The following FAF1 variants were observed in gnomAD, a reference collection of about 807,000 sequenced individuals.
The protein encoded by FAF1 is Fas associated factor 1.
In FAF1, 25 loss-of-function variants were observed where a neutral mutation model predicts 92.5. That is an observed-to-expected ratio of 0.27 (90% CI 0.20 to 0.38). FAF1 has a LOEUF of 0.38. Among genes scored for constraint, FAF1 ranks in the 10% least tolerant of loss-of-function variants. The pLI, the probability that FAF1 is intolerant of heterozygous loss-of-function variation, is 1.00. For synonymous variants in FAF1, 234 were observed against 273.2 expected (o/e 0.86, Z 1.42); for missense variants, 636 against 793.3 (o/e 0.80, Z 2.38).
At chr1:50,523,735 TG>T (rs949431347) in intron 15 of FAF1, among the ~76,000 whole-genome samples, 4 of 152,230 alleles carry the variant, frequency 2.6e-5, no homozygotes, top group Non-Finnish European at 4.4e-5. Flanking sequence ...TTCTTTTTTA[TG>T]GATGTATAGT....
At chr1:50,861,801 T>A (rs1285766222) in intron 1 of FAF1, among the ~76,000 whole-genome samples, 2 of 149,940 alleles carry the variant, frequency 1.3e-5, no homozygotes, top group African/African-American at 4.9e-5. Flanking sequence ...ACTAAATAAT[T>A]AAAAAAAAAA....
At chr1:50,784,328 T>C (rs1235441579) in intron 4 of FAF1, among the ~76,000 whole-genome samples, 1 of 151,914 alleles carries the variant, frequency 6.6e-6, no homozygotes, top group African/African-American at 2.4e-5. Flanking sequence ...TAATAAATAA[T>C]ACAAAATTCA....
At chr1:50,533,121 T>G (rs956814864) in intron 15 of FAF1, among the ~76,000 whole-genome samples, 2 of 152,120 alleles carry the variant, frequency 1.3e-5, no homozygotes, top group South Asian at 2.1e-4. Flanking sequence ...GGGCTATACT[T>G]GTTACAGGGT....
intron 1 of FAF1, among the ~76,000 whole-genome samples, chr1:50,888,418 A>G (rs1192333794): frequency 6.6e-6 from 1 of 152,120 alleles, no homozygotes; most frequent in African/African-American, 2.4e-5. Context: ...CTATGTTGAA[A>G]AGAAGTGGTG....
chr1:50,911,129 G>C (rs189414381), intron 1 of FAF1, among the ~76,000 whole-genome samples: 3 of 151,924 alleles, frequency 2.0e-5, no homozygotes, highest in African/African-American at 7.2e-5. Flanking sequence ...CTGGAGTGCA[G>C]TGGTGTGATC....
intron 18 of FAF1, among the ~76,000 whole-genome samples, chr1:50,442,548 G>T (rs1488621869): frequency 6.6e-6 from 1 of 152,194 alleles, no homozygotes; most frequent in African/African-American, 2.4e-5. Context: ...CAGATAAATG[G>T]GCAACTCCAA....
At chr1:50,758,090 G>C (rs545671226) in intron 4 of FAF1, among the ~76,000 whole-genome samples, 5 of 152,152 alleles carry the variant, frequency 3.3e-5, no homozygotes, top group African/African-American at 4.8e-5. Context: ...GCTAATTTTT[G>C]TATTTTTAGT....
chr1:50,943,234 C>A (rs1211509580), intron 1 of FAF1, among the ~76,000 whole-genome samples: 2 of 152,132 alleles, frequency 1.3e-5, no homozygotes, highest in Non-Finnish European at 2.9e-5. Context: ...TTAATTAAGG[C>A]TACTATCAAC....
chr1:50,936,515 A>C (rs999533897), intron 1 of FAF1, among the ~76,000 whole-genome samples: 1 of 152,226 alleles, frequency 6.6e-6, no homozygotes, highest in Non-Finnish European at 1.5e-5. Flanking sequence ...CAAGAAAATT[A>C]CAAGCATCAA....
At chr1:50,649,608 T>G (rs1654762472) in intron 8 of FAF1, among the ~76,000 whole-genome samples, 1 of 152,068 alleles carries the variant, frequency 6.6e-6, no homozygotes. Context: ...TGAGTGAATA[T>G]TTTGTGGCCA....
rs183604518 is a variant in FAF1 at position 50,917,459 on chromosome 1, G to A, written c.45+42308C>T. 7.1e-4 allele frequency among the ~76,000 whole-genome samples: 108 copies of A among 152,114 alleles called. No individual in the cohort carries two copies. The Middle Eastern group carries it at 0.02, about 29-fold the overall frequency. ...AGCAGAGATTTTTGCAGCAATCAGA[G>A]GGCCTCAAACATAATGCCAGATTTT... On this transcript the variant is annotated intron_variant, in intron 1 of 18. Coordinates refer to ENST00000396153, the MANE Select transcript of FAF1 (RefSeq NM_007051.3).
intron 4 of FAF1, among the ~76,000 whole-genome samples, chr1:50,781,838 T>C (rs921804294): frequency 2.0e-5 from 3 of 152,068 alleles, no homozygotes; most frequent in African/African-American, 7.2e-5. Context: ...AACTAAACAA[T>C]AACAGAAGGA....
Position 50,726,396 on chromosome 1 carries a change from T to C in FAF1, c.551+12467A>G, listed in dbSNP as rs2124464498. Among the ~76,000 whole-genome samples the C allele has an allele frequency of 2.6e-5, 4 of 152,232 alleles. 1 individual carries two copies. The highest frequency in any genetic ancestry group is 6.8e-3 in the Middle Eastern group (2 of 294). The stretch of plus-strand genomic sequence containing the variant: ...TATTTTCTGTCACACCTTGCTGTTA[T>C]ATAAAAATGAAGAAAATAGGCTGGG... On this transcript the variant is annotated intron_variant, in intron 6 of 18. Transcript: ENST00000396153.
intron 13 of FAF1, among the ~76,000 whole-genome samples, chr1:50,542,657 T>G (rs1648813944): frequency 6.6e-6 from 1 of 152,204 alleles, no homozygotes; most frequent in South Asian, 2.1e-4. Context: ...AGTAAATTCC[T>G]GCAATCTCAA....
intron 7 of FAF1, among the ~76,000 whole-genome samples, chr1:50,665,543 G>A (rs183494741): frequency 6.6e-6 from 1 of 152,196 alleles, no homozygotes; most frequent in Non-Finnish European, 1.5e-5. Flanking sequence ...GAGCCCAGAG[G>A]TCAAATCCAG....
rs200567239 is a variant in FAF1 at position 50,762,297 on chromosome 1, T to G, written c.368-17522A>C. On this transcript the variant is annotated intron_variant, in intron 4 of 18. Coordinates refer to ENST00000396153, the MANE Select transcript of FAF1 (RefSeq NM_007051.3). The stretch of plus-strand genomic sequence containing the variant: ...ATTTATAGATTCAATGCCATCCCCA[T>G]CAAGCTACCAATGACTTTCTTCACA... 2.2e-4 allele frequency among the ~76,000 whole-genome samples: 34 copies of G among 152,314 alleles called. 1 individual carries two copies. The East Asian group carries it at 5.4e-3, about 24-fold the overall frequency.
At chr1:50,959,680 C>T in intron 1 of FAF1, 87 bp downstream of exon 1, 2 of 1,175,930 alleles carry the variant, frequency 1.7e-6, no homozygotes, top group Non-Finnish European at 2.5e-6. Context: ...ACCACTGCAG[C>T]GTTCAAACGC....
At chr1:50,741,929 T>G (rs547586326) in intron 5 of FAF1, among the ~76,000 whole-genome samples, 43 of 152,286 alleles carry the variant, frequency 2.8e-4, no homozygotes, top group African/African-American at 1.0e-3. Flanking sequence ...TTCAAAAAAG[T>G]ATGAGCTGAA....
At chr1:50,847,026 G>T (rs1644307388) in intron 2 of FAF1, among the ~76,000 whole-genome samples, 1 of 152,184 alleles carries the variant, frequency 6.6e-6, no homozygotes, top group Non-Finnish European at 1.5e-5. Flanking sequence ...ACTGCTCACT[G>T]ACAGCTTCTC....
Sources: gnomAD v4.1 joint callset for allele counts (sites outside exome capture counted in the v4.1 genomes callset) on GRCh38, gnomAD v4.1.1 for gene constraint, MANE v1.5 for transcripts, NCBI Gene and HGNC (gene_info 2026-07-23, HGNC 2026-07-21) for gene names.